METTL15: variants seen among roughly 807,000 people sequenced by gnomAD.
The protein encoded by METTL15 is methyltransferase 15, mitochondrial 12S rRNA N4-cytidine.
A neutral mutation model predicts 38.3 loss-of-function variants in METTL15; 34 were observed. The observed-to-expected ratio is 0.89, with a 90% CI of 0.68 to 1.18. The LOEUF (loss-of-function observed/expected upper bound fraction) is 1.18, where lower values mean the gene tolerates loss of function less well. Among genes scored for constraint, METTL15 ranks in the 50% most tolerant of loss-of-function variants. METTL15 has a pLI of 0.00. For synonymous variants in METTL15, 162 were observed against 170.9 expected (o/e 0.95, Z 0.41); for missense variants, 438 against 498.4 (o/e 0.88, Z 1.15).
intron 3 of METTL15, among the ~76,000 whole-genome samples, chr11:28,194,213 T>G (rs1224647735): frequency 1.2e-5 from 1 of 80,790 alleles, no homozygotes; most frequent in Non-Finnish European, 2.5e-5. Flanking sequence ...CTCTCTCTCT[T>G]AATATATGGA....
chr11:28,316,408 C>A (rs1219395174), intron 6 of METTL15, among the ~76,000 whole-genome samples: 2 of 152,154 alleles, frequency 1.3e-5, no homozygotes, highest in African/African-American at 4.8e-5. Flanking sequence ...TTACCTATTG[C>A]CTATACTCCC....
At chr11:28,482,926 A>G (rs892636677) in intron 6 of METTL15, among the ~76,000 whole-genome samples, 5 of 152,052 alleles carry the variant, frequency 3.3e-5, no homozygotes, top group African/African-American at 4.8e-5. Context: ...AAACTAAGAC[A>G]TCCTCCTGGA....
At chr11:28,221,012 C>G (rs909206039) in intron 4 of METTL15, among the ~76,000 whole-genome samples, 14 of 152,294 alleles carry the variant, frequency 9.2e-5, no homozygotes, top group African/African-American at 3.1e-4. Flanking sequence ...TTCATTTCAA[C>G]TTTGGTGAAT....
chr11:28,118,280 A>G (rs537108682), intron 3 of METTL15, among the ~76,000 whole-genome samples: 3 of 152,318 alleles, frequency 2.0e-5, no homozygotes, highest in Admixed American at 6.5e-5. Flanking sequence ...TTTACTACCT[A>G]TGTAGTTTAC....
At chr11:28,249,744 A>G (rs939721557) in intron 4 of METTL15, among the ~76,000 whole-genome samples, 1 of 151,742 alleles carries the variant, frequency 6.6e-6, no homozygotes, top group Non-Finnish European at 1.5e-5. Flanking sequence ...TTTACTTTTA[A>G]GTTCAGAAAT....
At chr11:28,201,610 G>GGTGTGTGTGTGTGTGTGTGTGTGTAT (rs71050951) in intron 3 of METTL15, among the ~76,000 whole-genome samples, 1 of 145,564 alleles carries the variant, frequency 6.9e-6, no homozygotes, top group African/African-American at 2.6e-5. Flanking sequence ...GTCTTGGGAG[G>GGTGTGTGTGTGTGTGTGTGTGTGTAT]GTGTGTGTGT....
intron 4 of METTL15, among the ~76,000 whole-genome samples, chr11:28,248,890 A>G (rs1218736132): frequency 2.0e-5 from 3 of 151,996 alleles, no homozygotes; most frequent in Non-Finnish European, 4.4e-5. Flanking sequence ...AATACCTCTA[A>G]GTTAATCTTG....
At chr11:28,280,668 T>C (rs1254983977) in intron 4 of METTL15, among the ~76,000 whole-genome samples, 1 of 48,212 alleles carries the variant, frequency 2.1e-5, no homozygotes, top group Non-Finnish European at 3.5e-5. Context: ...TCTCTTATGC[T>C]TTTTTTTTTT....
intron 3 of METTL15, among the ~76,000 whole-genome samples, chr11:28,148,004 A>G (rs965563869): frequency 2.6e-5 from 4 of 151,882 alleles, no homozygotes; most frequent in Admixed American, 6.6e-5. Flanking sequence ...CTGAGGGTCC[A>G]CACAGTTTTC....
At chr11:28,372,470 T>G (rs1850254883) in intron 5 of METTL15, among the ~76,000 whole-genome samples, 1 of 92,712 alleles carries the variant, frequency 1.1e-5, no homozygotes, top group Admixed American at 1.3e-4. Context: ...TTTTTTTTTC[T>G]CCATGCCAAT....
intron 5 of METTL15, among the ~76,000 whole-genome samples, chr11:28,371,591 G>T (rs1850243836): frequency 6.6e-6 from 1 of 151,802 alleles, no homozygotes; most frequent in Admixed American, 6.6e-5. Context: ...GAAAGATATT[G>T]CATTGAATCT....
intron 5 of METTL15, 35 bp downstream of exon 5, chr11:28,290,432 G>T: frequency 6.4e-7 from 1 of 1,560,408 alleles, no homozygotes; most frequent in South Asian, 1.2e-5. Context: ...CTCACAACAA[G>T]AAATCAATTT....
rs1372635590 is a variant in METTL15, at chr11:28,202,949, G to C, written c.271-8113G>C. Among the ~76,000 whole-genome samples, 5 of 149,580 alleles carry C rather than the reference G, an allele frequency of 3.3e-5. No individual in the cohort carries two copies. The East Asian group carries it at 9.8e-4, about 29-fold the overall frequency. On this transcript the variant is annotated intron_variant, in intron 3 of 6. Coordinates refer to ENST00000407364, the MANE Select transcript of METTL15 (RefSeq NM_001113528.2). ...ATTTTCGACAGTGTTGTTACAGTGT[G>C]AAAATTTCAATGATTAGAATGATTG...
chr11:28,123,699 A>G (rs1436226734), intron 3 of METTL15, among the ~76,000 whole-genome samples: 1 of 151,926 alleles, frequency 6.6e-6, no homozygotes, highest in African/African-American at 2.4e-5. Context: ...TTGTTCTTCA[A>G]TGTTTGAGAT....
chr11:28,457,435 G>A (rs1851178438), intron 6 of METTL15, among the ~76,000 whole-genome samples: 1 of 152,096 alleles, frequency 6.6e-6, no homozygotes, highest in Admixed American at 6.5e-5. Context: ...TAATCCTTAA[G>A]CACTCTATAA....
intron 5 of METTL15, among the ~76,000 whole-genome samples, chr11:28,394,065 C>G (rs568843980): frequency 1.3e-5 from 2 of 152,166 alleles, no homozygotes; most frequent in African/African-American, 4.8e-5. Context: ...TTCCATTAGG[C>G]TGAGCACCTT....
At chr11:28,118,893 G>A (rs1245488107) in intron 3 of METTL15, among the ~76,000 whole-genome samples, 2 of 152,164 alleles carry the variant, frequency 1.3e-5, no homozygotes, top group Non-Finnish European at 2.9e-5. Context: ...TATCTTCCAA[G>A]TAGTTGAGCC....
At chr11:28,392,257 G>T (rs1038221017) in intron 5 of METTL15, among the ~76,000 whole-genome samples, 3 of 151,910 alleles carry the variant, frequency 2.0e-5, no homozygotes, top group Non-Finnish European at 4.4e-5. Flanking sequence ...AATTCATATG[G>T]AATCAGAAAT....
chr11:28,273,965 A>G (rs1308808489), intron 4 of METTL15, among the ~76,000 whole-genome samples: 1 of 152,060 alleles, frequency 6.6e-6, no homozygotes, highest in Non-Finnish European at 1.5e-5. Context: ...ACATAAACTA[A>G]GCTAATGCCT....
Sources: allele counts gnomAD v4.1 joint callset (sites outside exome capture counted in the v4.1 genomes callset), GRCh38; gene constraint gnomAD v4.1.1; transcripts MANE v1.5; gene names NCBI Gene and HGNC (gene_info 2026-07-23, HGNC 2026-07-21).